Variants in RYR3 observed in about 807,000 individuals in gnomAD.
RYR3 encodes the protein brain ryanodine receptor-calcium release channel.
Under a neutral mutation model 584.3 loss-of-function variants are expected in RYR3, and 207 were observed. The ratio of observed to expected loss-of-function variants is 0.35; its 90% CI spans 0.32 to 0.40. The LOEUF is 0.40. RYR3 is among the 10% of genes least tolerant of loss of function. The pLI, the probability that RYR3 is intolerant of heterozygous loss-of-function variation, is 1.00. For missense variants in RYR3, 5,616 were observed against 6,089.2 expected (o/e 0.92, Z 2.59); for synonymous variants, 2,416 against 2,248.5 (o/e 1.07, Z -2.11).
At chr15:33,528,833 CT>C (rs1038388430) in intron 3 of RYR3, among the ~76,000 whole-genome samples, 1 of 152,162 alleles carries the variant, frequency 6.6e-6, no homozygotes, top group Non-Finnish European at 1.5e-5. Flanking sequence ...TGACACCCCC[CT>C]CCCCCAGCTT....
rs146216071 is a variant in RYR3, at chr15:33,390,539, G to T, written c.51+79443G>T. ...ATTTGTTTTCACGACTTCTTCTTCAGGGGGTGATAGGTGTGGAGAGAAGAG... is the reference window on the plus strand; with the variant it reads ...ATTTGTTTTCACGACTTCTTCTTCATGGGGTGATAGGTGTGGAGAGAAGAG... On this transcript the variant is annotated intron_variant, in intron 1 of 103. Coordinates refer to ENST00000634891, the MANE Select transcript of RYR3 (RefSeq NM_001036.6). This position sits in a 1 kb window ranked among gnomAD's most constrained non-coding sequence, Gnocchi z 4.2. Among the ~76,000 whole-genome samples the T allele has an allele frequency of 5.2e-3, 792 of 152,256 alleles. 5 individuals are homozygous for T. Among genetic ancestry groups the T allele is most frequent in the African/African-American group, 0.018 (738 of 41,526 alleles).
intron 86 of RYR3, among the ~76,000 whole-genome samples, chr15:33,832,926 T>G (rs1259492477): frequency 6.6e-6 from 1 of 151,116 alleles, no homozygotes; most frequent in African/African-American, 2.4e-5. Context: ...GAGAATCGCT[T>G]GAACCCAGGA....
At chr15:33,400,127 T>A (rs2042554323) in intron 1 of RYR3, among the ~76,000 whole-genome samples, 2 of 152,236 alleles carry the variant, frequency 1.3e-5, no homozygotes, top group Admixed American at 1.3e-4. Flanking sequence ...AGTAAAATCA[T>A]GTATATATCC....
intron 60 of RYR3, among the ~76,000 whole-genome samples, chr15:33,761,026 A>G (rs1473273215): frequency 6.6e-6 from 1 of 152,248 alleles, no homozygotes; most frequent in African/African-American, 2.4e-5. Flanking sequence ...ATTAAGGCAG[A>G]AATGAATAAG....
At chr15:33,393,779 T>C (rs2042141225) in intron 1 of RYR3, among the ~76,000 whole-genome samples, 1 of 152,198 alleles carries the variant, frequency 6.6e-6, no homozygotes, top group Non-Finnish European at 1.5e-5. Flanking sequence ...TTCACAATCT[T>C]GGACCCTTGG....
chr15:33,443,893 G>T (rs2141899286), intron 1 of RYR3, among the ~76,000 whole-genome samples: 2 of 152,262 alleles, frequency 1.3e-5, no homozygotes, highest in Middle Eastern at 6.8e-3. Flanking sequence ...TTCATCTGGG[G>T]TTCCCTATAT....
At chr15:33,457,362 A>C (rs985590203) in intron 1 of RYR3, among the ~76,000 whole-genome samples, 1 of 152,230 alleles carries the variant, frequency 6.6e-6, no homozygotes, top group Non-Finnish European at 1.5e-5. Context: ...TCAGTGGATG[A>C]ATAGATGAAG....
intron 36 of RYR3, among the ~76,000 whole-genome samples, chr15:33,664,587 GTGTATA>G (rs1397514453): frequency 9.4e-5 from 4 of 42,626 alleles, no homozygotes; most frequent in African/African-American, 3.0e-4. Flanking sequence ...GTGTGTGTGT[GTGTATA>G]TATATATATA....
intron 2 of RYR3, among the ~76,000 whole-genome samples, chr15:33,490,163 G>C (rs2050847668): frequency 6.6e-6 from 1 of 152,144 alleles, no homozygotes; most frequent in Non-Finnish European, 1.5e-5. Flanking sequence ...AGGCATTCCA[G>C]GATTTTGCTG....
intron 72 of RYR3, 70 bp from the exon 73 acceptor site, chr15:33,812,793 G>A (rs1567224226): frequency 6.5e-7 from 1 of 1,526,832 alleles, no homozygotes; most frequent in Admixed American, 1.9e-5. Context: ...ACCATGGTAG[G>A]ACCAAAAGGC....
chr15:33,438,421 G>A (rs983939607), intron 1 of RYR3, among the ~76,000 whole-genome samples: 2 of 151,916 alleles, frequency 1.3e-5, no homozygotes, highest in Admixed American at 1.3e-4. Context: ...TATTTGTCTT[G>A]ATGTGCCTGG....
intron 3 of RYR3, among the ~76,000 whole-genome samples, chr15:33,505,384 G>C (rs1201406344): frequency 6.6e-6 from 1 of 152,218 alleles, no homozygotes; most frequent in East Asian, 1.9e-4. Flanking sequence ...ACAAAGGTGA[G>C]ATTTTTGTTC....
At chr15:33,378,355 A>G (rs28432943) in intron 1 of RYR3, among the ~76,000 whole-genome samples, 38,170 of 152,078 alleles carry the variant, frequency 0.25, 4,919 homozygotes, top group East Asian at 0.39. Context: ...CTATCATTTT[A>G]AACTTAACAG....
rs139561938 is a variant in RYR3, at chr15:33,698,628, G to A, written c.6249+632G>A. Among the ~76,000 whole-genome samples, 1,036 of 151,488 alleles carry A rather than the reference G, an allele frequency of 6.8e-3. 7 individuals are homozygous for A. Among genetic ancestry groups the A allele is most frequent in the African/African-American group, 0.01 (413 of 41,274 alleles). On this transcript the variant is annotated intron_variant, in intron 40 of 103. Coordinates refer to ENST00000634891, the MANE Select transcript of RYR3 (RefSeq NM_001036.6). ...ATGTTGGAAATTCCAGAGTGCCAGGGTCCTAGGAAGGGATGATTTCTGGTG... is the reference window on the plus strand; with the variant it reads ...ATGTTGGAAATTCCAGAGTGCCAGGATCCTAGGAAGGGATGATTTCTGGTG...
intron 11 of RYR3, among the ~76,000 whole-genome samples, chr15:33,563,933 C>T (rs995056694): frequency 6.6e-6 from 1 of 152,134 alleles, no homozygotes; most frequent in African/African-American, 2.4e-5. Context: ...ATGAGACCAA[C>T]CCTTCTTCTG....
chr15:33,437,570 G>T (rs533968055), intron 1 of RYR3, among the ~76,000 whole-genome samples: 44 of 152,310 alleles, frequency 2.9e-4, no homozygotes, highest in Admixed American at 8.5e-4. Flanking sequence ...AGAGCATTGA[G>T]TTGAGTAGTT....
intron 38 of RYR3, among the ~76,000 whole-genome samples, chr15:33,687,203 A>G (rs1306218671): frequency 1.3e-5 from 2 of 152,356 alleles, no homozygotes; most frequent in African/African-American, 4.8e-5. Context: ...TAACCTGATA[A>G]GCAACTTCAG....
At chr15:33,613,604 T>A (rs1256005727) in intron 19 of RYR3, among the ~76,000 whole-genome samples, 1 of 152,246 alleles carries the variant, frequency 6.6e-6, no homozygotes, top group Non-Finnish European at 1.5e-5. Context: ...GTAAGATTAA[T>A]AGGATAAATC....
chr15:33,569,623 T>A (rs1347322186), intron 12 of RYR3, among the ~76,000 whole-genome samples: 2 of 152,226 alleles, frequency 1.3e-5, no homozygotes, highest in Admixed American at 1.3e-4. Flanking sequence ...AATACCATGT[T>A]TTGTTTATTC....
Sources: allele counts gnomAD v4.1 joint callset (sites outside exome capture counted in the v4.1 genomes callset), GRCh38; gene constraint gnomAD v4.1.1; non-coding constraint Gnocchi (gnomAD v3.1); transcripts MANE v1.5; gene names NCBI Gene and HGNC (gene_info 2026-07-23, HGNC 2026-07-21).